CDK6: variants seen among roughly 807,000 people sequenced by gnomAD.
CDK6 encodes the protein cyclin dependent kinase 6, also known as cyclin-dependent kinase 6.
In CDK6, 6 loss-of-function variants were observed where a neutral mutation model predicts 37.1. The observed-to-expected ratio is 0.16, with a 90% CI of 0.09 to 0.32. The LOEUF is 0.32. Ranked by LOEUF, CDK6 falls within the 10% of genes least tolerant of loss-of-function variation. The pLI is 1.00. For missense variants in CDK6, 224 were observed against 418.9 expected (o/e 0.53, Z 4.06); for synonymous variants, 160 against 161.3 (o/e 0.99, Z 0.06).
In CDK6 at chr7:92,606,151, T is replaced by C; in HGVS notation, c.*8989A>G. 4.3e-6 allele frequency: 1 copy of C among 233,620 alleles called. No individual in the cohort carries two copies. The highest frequency in any genetic ancestry group is 8.5e-6 in the Non-Finnish European group (1 of 117,988). 14.5% of individuals were successfully genotyped at this position (233,620 alleles called of 1,614,324 possible). On this transcript the variant is annotated 3_prime_UTR_variant, in exon 8 of 8. Transcript: ENST00000424848. ...AGAAATACAGTAAAAGTGTGGCCTG[T>C]AGATGGAGAGAAAACAGCAGCCTGG... is the stretch of plus-strand genomic sequence containing the variant.
At chr7:92,708,517 TG>T (rs1459762508) in intron 4 of CDK6, among the ~76,000 whole-genome samples, 1 of 152,220 alleles carries the variant, frequency 6.6e-6, no homozygotes, top group African/African-American at 2.4e-5. Context: ...TAGCAAAATC[TG>T]GATTATGTGG....
chr7:92,713,212 A>G (rs771785071), intron 4 of CDK6, among the ~76,000 whole-genome samples: 3 of 152,164 alleles, frequency 2.0e-5, no homozygotes, highest in Non-Finnish European at 1.5e-5. Flanking sequence ...TCCTAATACA[A>G]TATTTTTGAA....
At chr7:92,830,287 A>G (rs953280859) in intron 2 of CDK6, among the ~76,000 whole-genome samples, 6 of 152,252 alleles carry the variant, frequency 3.9e-5, no homozygotes, top group African/African-American at 1.4e-4. Context: ...AGTGCCAGCA[A>G]TAACAAGTCA....
intron 4 of CDK6, among the ~76,000 whole-genome samples, chr7:92,715,407 T>C (rs1037113789): frequency 3.3e-5 from 5 of 152,210 alleles, no homozygotes; most frequent in South Asian, 2.1e-4. Context: ...TAAATTCTCC[T>C]ACGCTTTCCC....
At chr7:92,651,155 G>A (rs1796565026) in intron 5 of CDK6, among the ~76,000 whole-genome samples, 1 of 152,194 alleles carries the variant, frequency 6.6e-6, no homozygotes. Context: ...CTCCCAAAGT[G>A]TTGGGATTAC....
chr7:92,834,507 G>A lies in CDK6; in HGVS notation c.-367-817C>T, dbSNP rs1801591483. Among the ~76,000 whole-genome samples, 2 of 151,762 alleles carry A rather than the reference G, an allele frequency of 1.3e-5. No homozygotes were observed. The highest frequency in any genetic ancestry group is 4.2e-4 in the South Asian group (2 of 4,816). ...GCGAGCGAGCGGTCCTGGGGGAGGG[G>A]AGACACCGTCCCCCACGGGATCCCA... On this transcript the variant is annotated intron_variant, in intron 1 of 7. Coordinates refer to ENST00000424848, the MANE Select transcript of CDK6 (RefSeq NM_001145306.2). The surrounding 1 kb of genome is among the most constrained non-coding windows in gnomAD (Gnocchi z 4.6).
At chr7:92,781,353 T>A (rs1799986981) in intron 2 of CDK6, among the ~76,000 whole-genome samples, 1 of 152,248 alleles carries the variant, frequency 6.6e-6, no homozygotes, top group Non-Finnish European at 1.5e-5. Flanking sequence ...GATGTAATTA[T>A]CTAATAACAA....
intron 4 of CDK6, among the ~76,000 whole-genome samples, chr7:92,715,531 T>G (rs1798210572): frequency 6.6e-6 from 1 of 152,320 alleles, no homozygotes; most frequent in East Asian, 1.9e-4. Flanking sequence ...AGTATCCTTG[T>G]AGATAGATGC....
At position 92,607,816 on chromosome 7, in the gene CDK6, A is replaced by T. The variant is rs1795462216; in HGVS notation, c.*7324T>A. 4.3e-6 allele frequency: 1 copy of T among 233,454 alleles called. No homozygotes were observed. The highest frequency in any genetic ancestry group is 2.2e-5 in the African/African-American group (1 of 45,472). The allele number at this position is 233,454 out of a possible 1,614,324, so 14.5% of individuals were successfully genotyped here. Reference sequence around the variant, plus strand: ...ATATATTTACTACAGGTAATAGGAAAACAAATGAATAAAAAGTGAGGAACT... The same window carrying T: ...ATATATTTACTACAGGTAATAGGAATACAAATGAATAAAAAGTGAGGAACT... On this transcript the variant is annotated 3_prime_UTR_variant, in exon 8 of 8. Transcript: ENST00000424848.
intron 2 of CDK6, among the ~76,000 whole-genome samples, chr7:92,797,323 C>T (rs758948123): frequency 2.0e-4 from 31 of 152,254 alleles, no homozygotes; most frequent in Non-Finnish European, 4.4e-4. Context: ...GCAAGGGAGA[C>T]AATGATTTGG....
chr7:92,724,592 A>G (rs986781725), intron 4 of CDK6, among the ~76,000 whole-genome samples: 1 of 152,264 alleles, frequency 6.6e-6, no homozygotes, highest in African/African-American at 2.4e-5. Flanking sequence ...CAGCTGTAGT[A>G]TTACTGAAAT....
intron 3 of CDK6, among the ~76,000 whole-genome samples, chr7:92,769,204 C>A (rs1416942101): frequency 2.0e-5 from 3 of 152,008 alleles, no homozygotes; most frequent in Non-Finnish European, 4.4e-5. Flanking sequence ...AATATTACAA[C>A]CAATAGAAAA....
chr7:92,681,468 C>T (rs889614055), intron 4 of CDK6, among the ~76,000 whole-genome samples: 5 of 152,146 alleles, frequency 3.3e-5, no homozygotes, highest in African/African-American at 1.2e-4. Flanking sequence ...CACCTCTCCC[C>T]CATTTTATCT....
chr7:92,617,449 G>A (rs1795706307), intron 7 of CDK6, among the ~76,000 whole-genome samples: 1 of 152,160 alleles, frequency 6.6e-6, no homozygotes, highest in South Asian at 2.1e-4. Flanking sequence ...ATTACTCACT[G>A]GGTTTCAGAC....
chr7:92,788,828 T>G (rs1800209490), intron 2 of CDK6, among the ~76,000 whole-genome samples: 1 of 152,114 alleles, frequency 6.6e-6, no homozygotes, highest in Admixed American at 6.6e-5. Flanking sequence ...TTGGAAGTGC[T>G]GGAAGCAGCC....
rs147453500 is a variant in CDK6, at chr7:92,644,570, C to T, written c.648-21484G>A. Among the ~76,000 whole-genome samples the T allele has an allele frequency of 4.1e-3, 625 of 152,208 alleles. 4 individuals carry two copies. Among genetic ancestry groups the T allele is most frequent in the African/African-American group, 0.014 (588 of 41,520 alleles). On this transcript the variant is annotated intron_variant, in intron 5 of 7. Transcript: ENST00000424848. The stretch of plus-strand genomic sequence containing the variant: ...CTAACCTAGTCTCATAGGAAGAAGG[C>T]TTGTGAAATCTGCTCCTGATGCATG...
rs188513645 is a variant in CDK6, at chr7:92,752,772, C to T, written c.369+21924G>A. Among the ~76,000 whole-genome samples the T allele has an allele frequency of 3.3e-5, 5 of 152,194 alleles. No homozygotes were observed. The East Asian group carries it at 7.7e-4, about 24-fold the overall frequency. On this transcript the variant is annotated intron_variant, in intron 3 of 7. Transcript: ENST00000424848. Reference sequence around the variant, plus strand: ...GAGTTAGTAATGATTCGGTGCCTTCCCATGAAGTTCAAGCCAATGTTTTTT... The same window carrying T: ...GAGTTAGTAATGATTCGGTGCCTTCTCATGAAGTTCAAGCCAATGTTTTTT...
chr7:92,824,588 A>T (rs1400389399), intron 2 of CDK6, among the ~76,000 whole-genome samples: 1 of 152,126 alleles, frequency 6.6e-6, no homozygotes, highest in African/African-American at 2.4e-5. Context: ...TTTTTACTTT[A>T]ATTACTATAA....
At chr7:92,708,749 G>C (rs1405571445) in intron 4 of CDK6, among the ~76,000 whole-genome samples, 1 of 152,174 alleles carries the variant, frequency 6.6e-6, no homozygotes, top group Non-Finnish European at 1.5e-5. Flanking sequence ...GAAAATTTCT[G>C]ATTTATACAA....
Sources: allele counts gnomAD v4.1 joint callset (sites outside exome capture counted in the v4.1 genomes callset), GRCh38; gene constraint gnomAD v4.1.1; non-coding constraint Gnocchi (gnomAD v3.1); transcripts MANE v1.5; gene names NCBI Gene and HGNC (gene_info 2026-07-23, HGNC 2026-07-21).